Variants in TRAPPC9 observed in about 807,000 individuals in gnomAD.
TRAPPC9 encodes IKK2 binding protein.
A neutral mutation model predicts 124.0 loss-of-function variants in TRAPPC9; 83 were observed. The observed-to-expected ratio is 0.67, with a 90% CI of 0.56 to 0.80. The LOEUF (loss-of-function observed/expected upper bound fraction) is 0.80. TRAPPC9 is among the 30% of genes least tolerant of loss of function. The probability of loss-of-function intolerance (pLI) is 0.00; values close to 1 mark genes in which losing one functional copy is unlikely to be tolerated. For synonymous variants in TRAPPC9, 638 were observed against 617.5 expected, an observed-to-expected ratio of 1.03 and a Z score of -0.49; for missense variants, 1,302 against 1,508.3, an observed-to-expected ratio of 0.86 and a Z score of 2.27.
chr8:139,895,655 G>A (rs528834423), intron 20 of TRAPPC9, among the ~76,000 whole-genome samples: 9 of 152,296 alleles, frequency 5.9e-5, no homozygotes, highest in South Asian at 2.1e-4. Flanking sequence ...GGCCTGGGAC[G>A]CTGGGACACA....
intron 17 of TRAPPC9, among the ~76,000 whole-genome samples, chr8:140,158,506 C>T (rs982380156): frequency 1.1e-4 from 16 of 152,264 alleles, no homozygotes; most frequent in African/African-American, 3.9e-4. Flanking sequence ...GTTTCACCTA[C>T]TGAGGCCTCT....
intron 21 of TRAPPC9, among the ~76,000 whole-genome samples, chr8:139,849,663 C>A (rs1827323343): frequency 6.6e-6 from 1 of 152,248 alleles, no homozygotes; most frequent in Non-Finnish European, 1.5e-5. Flanking sequence ...GTAACACCAT[C>A]ATGAGTGTGA....
chr8:140,160,249 G>T (rs1427026348), intron 17 of TRAPPC9, among the ~76,000 whole-genome samples: 1 of 152,140 alleles, frequency 6.6e-6, no homozygotes, highest in Non-Finnish European at 1.5e-5. Flanking sequence ...GATCCCTCAA[G>T]GATCTAGAAC....
At chr8:140,024,127 T>C in intron 17 of TRAPPC9, 48 bp from the exon 18 acceptor site, 2 of 1,603,116 alleles carry the variant, frequency 1.2e-6, no homozygotes, top group South Asian at 1.1e-5. Flanking sequence ...TTAGTAACTC[T>C]CTAGTTTGAT....
rs1842719785 is a variant in TRAPPC9 at position 140,063,082 on chromosome 8, C to T, written c.2557-39003G>A. On this transcript the variant is annotated intron_variant, in intron 17 of 22. Transcript: ENST00000438773. This position sits in a 1 kb window ranked among gnomAD's most constrained non-coding sequence, Gnocchi z 4.3. ...TGAATGCAGGAGGAACTACTGAACACCTGAACACTTACAAACCCATCAGAT... is the reference window on the plus strand; with the variant it reads ...TGAATGCAGGAGGAACTACTGAACATCTGAACACTTACAAACCCATCAGAT... Among the ~76,000 whole-genome samples the T allele has an allele frequency of 6.6e-6, 1 of 152,098 alleles. No homozygotes were observed. Among genetic ancestry groups the T allele is most frequent in the South Asian group, 2.1e-4 (1 of 4,816 alleles).
At chr8:140,203,294 G>C (rs771116569) in intron 17 of TRAPPC9, among the ~76,000 whole-genome samples, 2 of 152,224 alleles carry the variant, frequency 1.3e-5, no homozygotes, top group Non-Finnish European at 2.9e-5. Context: ...AAATGATCCT[G>C]AGTGATATAC....
intron 17 of TRAPPC9, among the ~76,000 whole-genome samples, chr8:140,030,586 C>A (rs1235824052): frequency 6.6e-6 from 1 of 152,086 alleles, no homozygotes; most frequent in Non-Finnish European, 1.5e-5. Context: ...ATAATAATAC[C>A]AAACTGGAAA....
At chr8:139,987,190 T>C (rs2131699511) in intron 19 of TRAPPC9, among the ~76,000 whole-genome samples, 1 of 152,352 alleles carries the variant, frequency 6.6e-6, no homozygotes, top group Non-Finnish European at 1.5e-5. Context: ...ACACCTGGCC[T>C]CTATTTTCTG....
At chr8:139,902,752 AG>A (rs1375577880) in intron 20 of TRAPPC9, among the ~76,000 whole-genome samples, 1 of 152,206 alleles carries the variant, frequency 6.6e-6, no homozygotes. Flanking sequence ...GAGAGGCCGA[AG>A]GGTGGGCCCA....
intron 9 of TRAPPC9, among the ~76,000 whole-genome samples, chr8:140,341,794 G>A (rs964829777): frequency 6.6e-6 from 1 of 152,178 alleles, no homozygotes; most frequent in African/African-American, 2.4e-5. Flanking sequence ...TCCATTCTGG[G>A]TAGTGAAAAG....
At chr8:139,949,012 G>T (rs1834459958) in intron 19 of TRAPPC9, among the ~76,000 whole-genome samples, 1 of 152,112 alleles carries the variant, frequency 6.6e-6, no homozygotes, top group Non-Finnish European at 1.5e-5. Context: ...GGCAGAGGTT[G>T]CCGTGAGCCA....
intron 21 of TRAPPC9, among the ~76,000 whole-genome samples, chr8:139,860,913 G>A (rs915152023): frequency 6.6e-6 from 1 of 152,236 alleles, no homozygotes; most frequent in Non-Finnish European, 1.5e-5. Context: ...TCCTTACCAG[G>A]CTACAGTCAA....
chr8:139,811,524 C>A lies in TRAPPC9; in HGVS notation c.3055+74355G>T, dbSNP rs150028655. Among the ~76,000 whole-genome samples, 21 of 152,328 alleles carry A rather than the reference C, an allele frequency of 1.4e-4. No individual in the cohort carries two copies. The East Asian group carries it at 4.0e-3, about 29-fold the overall frequency. On this transcript the variant is annotated intron_variant, in intron 21 of 22. Coordinates refer to ENST00000438773, the MANE Select transcript of TRAPPC9 (RefSeq NM_001160372.4). ...GAGGCATTATGTGAAATTACAGAAC[C>A]AGAACATTGGAGACTGAAGAGAAGA...
chr8:139,737,628 C>T (rs1818288518), intron 21 of TRAPPC9, among the ~76,000 whole-genome samples: 1 of 152,244 alleles, frequency 6.6e-6, no homozygotes, highest in Non-Finnish European at 1.5e-5. Flanking sequence ...TCCTCCTTCC[C>T]TCTCCCAGGC....
At chr8:139,852,133 G>C (rs1416363921) in intron 21 of TRAPPC9, among the ~76,000 whole-genome samples, 2 of 152,152 alleles carry the variant, frequency 1.3e-5, no homozygotes, top group East Asian at 3.9e-4. Flanking sequence ...TCCTACATAA[G>C]CTCTTTCTTT....
chr8:139,900,557 T>C (rs904521234), intron 20 of TRAPPC9, among the ~76,000 whole-genome samples: 3 of 152,382 alleles, frequency 2.0e-5, no homozygotes, highest in African/African-American at 7.2e-5. Context: ...CATTTAATTA[T>C]TTAATCAATA....
At chr8:139,745,723 G>A (rs1818841920) in intron 21 of TRAPPC9, among the ~76,000 whole-genome samples, 1 of 152,248 alleles carries the variant, frequency 6.6e-6, no homozygotes, top group Non-Finnish European at 1.5e-5. Flanking sequence ...GAGGCAAAGG[G>A]GAAGCCAGGG....
At chr8:140,310,837 T>C (rs546024609) in intron 10 of TRAPPC9, among the ~76,000 whole-genome samples, 26 of 150,998 alleles carry the variant, frequency 1.7e-4, no homozygotes, top group Middle Eastern at 3.4e-3. Flanking sequence ...TGGCAAGTGC[T>C]TGTGTGGGCG....
intron 20 of TRAPPC9, among the ~76,000 whole-genome samples, chr8:139,886,465 A>C (rs1258930195): frequency 6.6e-6 from 1 of 152,202 alleles, no homozygotes; most frequent in African/African-American, 2.4e-5. Flanking sequence ...GGAAGCCATA[A>C]AGTCTCTCAG....
Sources: gnomAD v4.1 joint callset for allele counts (sites outside exome capture counted in the v4.1 genomes callset) on GRCh38, gnomAD v4.1.1 for gene constraint, Gnocchi (gnomAD v3.1) non-coding constraint, MANE v1.5 for transcripts, NCBI Gene and HGNC (gene_info 2026-07-23, HGNC 2026-07-21) for gene names.